MFN1: variants seen among roughly 807,000 people sequenced by gnomAD.
MFN1 encodes mitofusin-1.
A neutral mutation model predicts 92.4 loss-of-function variants in MFN1; 65 were observed. The observed-to-expected ratio is 0.70, with a 90% CI of 0.58 to 0.86. The LOEUF (loss-of-function observed/expected upper bound fraction) is 0.86. Among genes scored for constraint, MFN1 ranks in the 40% least tolerant of loss-of-function variants. The pLI, the probability that MFN1 is intolerant of heterozygous loss-of-function variation, is 0.00. For synonymous variants in MFN1, 297 were observed against 300.9 expected (o/e 0.99, Z 0.13); for missense variants, 781 against 868.0 (o/e 0.90, Z 1.26).
At position 179,392,847 on chromosome 3, in the gene MFN1, C is replaced by G. The variant is rs1713961739; in HGVS notation, c.*788C>G. ...GTGATGTTTTAAAAAAGCTGTTGTTCTTCAGGAGGCATTTGCCTAGGATAT... is the reference window on the plus strand; with the variant it reads ...GTGATGTTTTAAAAAAGCTGTTGTTGTTCAGGAGGCATTTGCCTAGGATAT... On this transcript the variant is annotated 3_prime_UTR_variant, in exon 18 of 18. Transcript: ENST00000471841. The G allele has an allele frequency of 6.6e-6, 1 of 152,240 alleles. No individual in the cohort carries two copies. The highest frequency in any genetic ancestry group is 1.5e-5 in the Non-Finnish European group (1 of 67,994). 9.4% of individuals were successfully genotyped at this position (152,240 alleles called of 1,614,324 possible).
intron 14 of MFN1, among the ~76,000 whole-genome samples, chr3:179,379,260 A>C (rs1170528406): frequency 6.6e-6 from 1 of 152,194 alleles, no homozygotes; most frequent in Non-Finnish European, 1.5e-5. Context: ...GATGCCCCAC[A>C]AGGGGCCAAG....
At chr3:179,364,989 G>A (rs1712728883) in intron 6 of MFN1, 129 bp from the exon 7 acceptor site, 6 of 474,622 alleles carry the variant, frequency 1.3e-5, no homozygotes, top group Non-Finnish European at 3.7e-6. Context: ...TGCTCATAGA[G>A]TGCTTTGGGA....
chr3:179,363,808 A>C (rs1039650922), intron 5 of MFN1, among the ~76,000 whole-genome samples: 10 of 152,182 alleles, frequency 6.6e-5, no homozygotes, highest in African/African-American at 2.4e-4. Context: ...ATTATTACAC[A>C]TTGTATGCTT....
At chr3:179,354,624 A>G (rs1276525477) in intron 3 of MFN1, among the ~76,000 whole-genome samples, 1 of 152,202 alleles carries the variant, frequency 6.6e-6, no homozygotes, top group Non-Finnish European at 1.5e-5. Flanking sequence ...TATTAAGAAA[A>G]TAAAGGAATA....
At chr3:179,350,217 T>A (rs762709182) in intron 2 of MFN1, among the ~76,000 whole-genome samples, 1 of 152,140 alleles carries the variant, frequency 6.6e-6, no homozygotes, top group East Asian at 1.9e-4. Flanking sequence ...TGTAAATTTT[T>A]CCAGCGACAG....
intron 14 of MFN1, among the ~76,000 whole-genome samples, chr3:179,382,082 TTA>T (rs1491525110): frequency 5.4e-5 from 8 of 148,018 alleles, no homozygotes; most frequent in African/African-American, 2.0e-4. Context: ...TAATTTTTTT[TTA>T]TTATACTTTT....
intron 5 of MFN1, among the ~76,000 whole-genome samples, 176 bp from the exon 6 acceptor site, chr3:179,364,121 A>G (rs761192610): frequency 1.2e-4 from 18 of 152,156 alleles, no homozygotes; most frequent in Non-Finnish European, 1.3e-4. Context: ...TGAAATATTG[A>G]GCATGTTATT....
chr3:179,388,515 G>C (rs2108560654), intron 16 of MFN1, among the ~76,000 whole-genome samples: 1 of 152,234 alleles, frequency 6.6e-6, no homozygotes, highest in Non-Finnish European at 1.5e-5. Context: ...ACAATATTCT[G>C]TATTTGGATG....
At chr3:179,376,258 A>G (rs1288879417) in intron 10 of MFN1, among the ~76,000 whole-genome samples, 1 of 152,216 alleles carries the variant, frequency 6.6e-6, no homozygotes, top group Non-Finnish European at 1.5e-5. Context: ...CCCTGTGTAC[A>G]GCCTCCGTGT....
At chr3:179,349,285 T>G (rs999027372) in intron 2 of MFN1, among the ~76,000 whole-genome samples, 1 of 152,108 alleles carries the variant, frequency 6.6e-6, no homozygotes, top group Admixed American at 6.6e-5. Flanking sequence ...CAAAGAAAAG[T>G]TAAACAGTTT....
chr3:179,374,381 C>CATATATAACATATATATGTAATAT (rs1713151133), intron 9 of MFN1, among the ~76,000 whole-genome samples: 3 of 39,722 alleles, frequency 7.6e-5, no homozygotes, highest in African/African-American at 6.3e-4. Context: ...ATATATATAA[C>CATATATAACATATATATGTAATAT]ATATATAACA....
chr3:179,366,044 G>A (rs1712774852), intron 7 of MFN1, among the ~76,000 whole-genome samples: 1 of 152,148 alleles, frequency 6.6e-6, no homozygotes, highest in Admixed American at 6.5e-5. Flanking sequence ...AGGATGGACA[G>A]TTTTGACCTC....
chr3:179,376,986 A>AC, intron 10 of MFN1, 56 bp from the exon 11 acceptor site: 5 of 1,568,264 alleles, frequency 3.2e-6, no homozygotes, highest in Non-Finnish European at 4.3e-6. Flanking sequence ...CCCTTGCTGA[A>AC]ATGCTTTAGG....
intron 3 of MFN1, among the ~76,000 whole-genome samples, chr3:179,358,204 G>A (rs1005952775): frequency 7.0e-6 from 1 of 143,216 alleles, no homozygotes; most frequent in South Asian, 2.2e-4. Flanking sequence ...AGGCTGGAGT[G>A]CAGTGGCGCG....
At chr3:179,375,819 T>C (rs1391714423) in intron 10 of MFN1, among the ~76,000 whole-genome samples, 3 of 152,196 alleles carry the variant, frequency 2.0e-5, no homozygotes, top group Non-Finnish European at 4.4e-5. Flanking sequence ...GAAAGTTGAT[T>C]TGGTAAGCAG....
intron 16 of MFN1, among the ~76,000 whole-genome samples, chr3:179,388,053 T>A (rs1346614575): frequency 6.6e-6 from 1 of 151,814 alleles, no homozygotes; most frequent in Non-Finnish European, 1.5e-5. Context: ...TAATTTTTTT[T>A]GTATTTTTTT....
Position 179,364,397 on chromosome 3 carries a change from A to G in MFN1, c.637A>G (p.Met213Val), listed in dbSNP as rs745472609. 4 of 1,600,182 alleles carry G rather than the reference A, an allele frequency of 2.5e-6. No homozygotes were observed. In the South Asian group the frequency reaches 4.4e-5, roughly 18 times the overall value. ...VLVANSESTL[M>V]NTEKHFFHKV... ...GGTCGCAAACTCTGAATCAACACTA[A>G]TGAATACGGTAGGATTTAATCATAT... The change falls in exon 6 of 18, where the codon ATG becomes GTG. Residue 213 changes from methionine (M) to valine (V), a missense_variant. Transcript: ENST00000471841.
At chr3:179,356,241 C>T (rs1712340322) in intron 3 of MFN1, among the ~76,000 whole-genome samples, 1 of 152,186 alleles carries the variant, frequency 6.6e-6, no homozygotes, top group Admixed American at 6.5e-5. Flanking sequence ...CTTTCCTTCC[C>T]ACCCACCCAT....
At chr3:179,354,923 A>T (rs1035735792) in intron 3 of MFN1, among the ~76,000 whole-genome samples, 1 of 152,016 alleles carries the variant, frequency 6.6e-6, no homozygotes, top group African/African-American at 2.4e-5. Context: ...GCCTCCCTAT[A>T]GTAGCTGGGA....
Sources: allele counts gnomAD v4.1 joint callset (sites outside exome capture counted in the v4.1 genomes callset), GRCh38; gene constraint gnomAD v4.1.1; transcripts MANE v1.5; gene names NCBI Gene and HGNC (gene_info 2026-07-23, HGNC 2026-07-21).